Variants in PEX6 observed in about 807,000 individuals in gnomAD.
PEX6 encodes peroxisomal biogenesis factor 6, also known as peroxisome biogenesis factor 6.
A neutral mutation model predicts 85.6 loss-of-function variants in PEX6; 55 were observed. The observed-to-expected ratio is 0.64, with a 90% CI of 0.52 to 0.80. PEX6 has a LOEUF of 0.80. Ranked by LOEUF, PEX6 falls within the 30% of genes least tolerant of loss-of-function variation. The pLI, the probability that PEX6 is intolerant of heterozygous loss-of-function variation, is 0.00. For missense variants in PEX6, 1,099 were observed against 1,260.3 expected (o/e 0.87, Z 1.94); for synonymous variants, 519 against 549.1 (o/e 0.95, Z 0.77).
Position 42,978,887 on chromosome 6 carries a change from G to A in PEX6, c.264C>T (p.Ser88=). 6.7e-7 allele frequency: 1 copy of A among 1,491,430 alleles called. No homozygotes were observed. The highest frequency in any genetic ancestry group is 8.9e-7 in the Non-Finnish European group (1 of 1,129,246). The allele number at this position is 1,491,430 out of a possible 1,614,324, so 92.4% of individuals were successfully genotyped here. A position where few individuals can be genotyped will look rare whatever the true frequency, so the allele number is the denominator to read the frequency against. ...RALLRLLALG[S]GAWVRARAVR... ...CCGCCCGCGCCCGCACCCAGGCCCC[G>A]GAGCCCAGTGCCAGGAGCCGCAGCA... is the stretch of plus-strand genomic sequence containing the variant. Residue 88 remains serine (S), a synonymous_variant, in exon 1 of 17, where the codon TCC becomes TCT. Transcript: ENST00000304611.
At position 42,979,130 on chromosome 6, in the gene PEX6, C is replaced by T; in HGVS notation, c.21G>A (p.Arg7=). 1.3e-6 allele frequency: 2 copies of T among 1,577,024 alleles called. No individual in the cohort carries two copies. The highest frequency in any genetic ancestry group is 8.5e-7 in the Non-Finnish European group (1 of 1,170,294). The change falls in exon 1 of 17, where the codon CGG becomes CGA. Residue 7 remains arginine, a synonymous_variant. Coordinates refer to ENST00000304611, the MANE Select transcript of PEX6 (RefSeq NM_000287.4). MALAVL[R]VLEPFPTETP... The stretch of plus-strand genomic sequence containing the variant: ...TCTCGGTCGGAAAGGGCTCCAGGAC[C>T]CGCAAGACAGCCAGCGCCATGGTGA...
At chr6:42,969,055 TC>T in intron 5 of PEX6, 70 bp from the exon 6 acceptor site, 1 of 1,026,356 alleles carries the variant, frequency 9.7e-7, no homozygotes, top group Middle Eastern at 2.0e-4. Context: ...TAACACAAGA[TC>T]CCTTAGATCT....
At chr6:42,972,359 C>T (rs1253905593) in intron 3 of PEX6, among the ~76,000 whole-genome samples, 1 of 152,210 alleles carries the variant, frequency 6.6e-6, no homozygotes, top group Non-Finnish European at 1.5e-5. Flanking sequence ...TACATGGAAC[C>T]TCTGTGGTCA....
At position 42,973,874 on chromosome 6, in the gene PEX6, G is replaced by A. The variant is rs895143685; in HGVS notation, c.1130+129C>T. The A allele has an allele frequency of 6.8e-5, 48 of 707,174 alleles. No individual in the cohort carries two copies. In the East Asian group the frequency reaches 7.5e-4, roughly 11 times the overall value. The allele number at this position is 707,174 out of a possible 1,614,324, so 43.8% of individuals were successfully genotyped here. On this transcript the variant is annotated intron_variant, in intron 3 of 16. Transcript: ENST00000304611. The stretch of plus-strand genomic sequence containing the variant: ...GCAAGAACCTGTTACACACACACAC[G>A]CACACACAAAATACATGACAACGAA...
rs748334097 is a variant in PEX6, at chr6:42,964,316, C to G, written c.*19G>C. 3.7e-6 allele frequency: 6 copies of G among 1,613,154 alleles called. No homozygotes were observed. The Admixed American group carries it at 6.7e-5, about 18-fold the overall frequency. On this transcript the variant is annotated 3_prime_UTR_variant, in exon 17 of 17. Transcript: ENST00000304611. The surrounding 1 kb of genome is among the most constrained non-coding windows in gnomAD (Gnocchi z 4.6). The stretch of plus-strand genomic sequence containing the variant: ...TACCTGCAGCCATGCTGAGCGGGGT[C>G]CCAGACCCTGGGGGGCTCCTAGCAG...
At chr6:42,972,599 T>G (rs1223531814) in intron 3 of PEX6, among the ~76,000 whole-genome samples, 1 of 151,930 alleles carries the variant, frequency 6.6e-6, no homozygotes, top group Non-Finnish European at 1.5e-5. Flanking sequence ...TGAAACCCAA[T>G]CTCTACTAAA....
Position 42,971,717 on chromosome 6 carries a change from G to A in PEX6, c.1131-1730C>T, listed in dbSNP as rs62417461. Among the ~76,000 whole-genome samples the A allele has an allele frequency of 6.6e-6, 1 of 152,234 alleles. No homozygotes were observed. The highest frequency in any genetic ancestry group is 1.5e-5 in the Non-Finnish European group (1 of 68,044). On this transcript the variant is annotated intron_variant, in intron 3 of 16. Coordinates refer to ENST00000304611, the MANE Select transcript of PEX6 (RefSeq NM_000287.4). The surrounding 1 kb of genome is among the most constrained non-coding windows in gnomAD (Gnocchi z 4.4). ...TTACTCCAACCCTGCTTTCCTTGCG[G>A]GGAAAAGAACTATGTGCTCGGCACT...
In PEX6 at chr6:42,968,955, G is replaced by A; in HGVS notation, c.1398C>T (p.Val466=). 6.2e-7 allele frequency: 1 copy of A among 1,613,888 alleles called. No homozygotes were observed. Among genetic ancestry groups the A allele is most frequent in the Non-Finnish European group, 8.5e-7 (1 of 1,179,878 alleles). ...GGALLTGTSS[V]LLRGPPGCGK... ...CACAGCCTGGGGGGCCCCGTAGAAG[G>A]ACACTGCTAGTTCCTGTCAGCAGGG... Residue 466 remains valine, a synonymous_variant, in exon 6 of 17, where the codon GTC becomes GTT. Transcript: ENST00000304611.
In PEX6 at chr6:42,978,776, C is replaced by T. The variant is rs765259967; in HGVS notation, c.375G>A (p.Val125=). 6.5e-7 allele frequency: 1 copy of T among 1,534,626 alleles called. No individual in the cohort carries two copies. Among genetic ancestry groups the T allele is most frequent in the East Asian group, 2.4e-5 (1 of 40,948 alleles). ...GLGPRVGPLL[V]RRGETLPVPG... is the part of the protein sequence containing the mutation. The stretch of plus-strand genomic sequence containing the variant: ...GCACTGGGAGGGTCTCTCCGCGCCT[C>T]ACCAGCAGCGGCCCGACTCGCGGTC... The change falls in exon 1 of 17, where the codon GTG becomes GTA. Residue 125 remains valine, a synonymous_variant. Coordinates refer to ENST00000304611, the MANE Select transcript of PEX6 (RefSeq NM_000287.4).
In PEX6 at chr6:42,965,190, C is replaced by T; in HGVS notation, c.2589-38G>A. 6.2e-7 allele frequency: 1 copy of T among 1,611,172 alleles called. No homozygotes were observed. The highest frequency in any genetic ancestry group is 1.1e-5 in the South Asian group (1 of 91,028). On this transcript the variant is annotated intron_variant, in intron 14 of 16. Transcript: ENST00000304611. The surrounding 1 kb of genome is among the most constrained non-coding windows in gnomAD (Gnocchi z 5.0). ...AGGCAGGTATAAGTTTCAGGGAGCC[C>T]AGCCATGAGGGGTGAAGGAGGCACA...
chr6:42,968,447 G>A lies in PEX6; in HGVS notation c.1531C>T (p.Leu511=), dbSNP rs147567606. 37 of 1,606,142 alleles carry A rather than the reference G, an allele frequency of 2.3e-5. No homozygotes were observed. Among genetic ancestry groups the A allele is most frequent in the Non-Finnish European group, 3.1e-5 (36 of 1,176,396 alleles). ...CGGGCCCGGGAGAAGATGGCCTGCA[G>A]TTTTGTCTCCACAGCCCCACTACTT... The part of the protein sequence containing the change: ...AESSGAVETK[L]QAIFSRARRC... Residue 511 remains leucine, a synonymous_variant, in exon 7 of 17, where the codon CTG becomes TTG. Coordinates refer to ENST00000304611, the MANE Select transcript of PEX6 (RefSeq NM_000287.4).
rs777172779 is a variant in PEX6 at position 42,978,253 on chromosome 6, CA to C, written c.882+15del. 57 of 1,613,022 alleles carry C rather than the reference CA, an allele frequency of 3.5e-5. No individual in the cohort carries two copies. Among genetic ancestry groups the C allele is most frequent in the Non-Finnish European group, 4.4e-5 (52 of 1,179,858 alleles). ...AAGAAAGAGGAAGCACTCCTGACCC[CA>C]GTCCTTTATCCTACCTGAATTCTGA... On this transcript the variant is annotated intron_variant, in intron 1 of 16. Coordinates refer to ENST00000304611, the MANE Select transcript of PEX6 (RefSeq NM_000287.4).
Position 42,964,807 on chromosome 6 carries a change from AC to A in PEX6, c.2788del (p.Val930PhefsTer15), listed in dbSNP as rs61753232. ...TGGCTCACCTTCCTCCAGGTCATGA[AC>A]CCTGCGTTTGAGGGCAGCTGTCATA... Reference protein sequence around the residue: ...DAMTAALKRRVHDLEEGLEPG... With the variant: ...DAMTAALKRRXHDLEEGLEPG... On this transcript the variant is annotated frameshift_variant, in exon 16 of 17. Transcript: ENST00000304611. LOFTEE classifies it high-confidence loss of function. This position sits in a 1 kb window ranked among gnomAD's most constrained non-coding sequence, Gnocchi z 4.6. The A allele has an allele frequency of 4.3e-6, 7 of 1,613,906 alleles. No individual in the cohort carries two copies. Among genetic ancestry groups the A allele is most frequent in the Non-Finnish European group, 4.2e-6 (5 of 1,179,998 alleles).
Position 42,978,778 on chromosome 6 carries a change from C to A in PEX6, c.373G>T (p.Val125Leu), listed in dbSNP as rs1383547974. 6.5e-7 allele frequency: 1 copy of A among 1,534,610 alleles called. No homozygotes were observed. Among genetic ancestry groups the A allele is most frequent in the Non-Finnish European group, 8.7e-7 (1 of 1,146,748 alleles). The change falls in exon 1 of 17, where the codon GTG becomes TTG. Residue 125 changes from valine (V) to leucine (L), a missense_variant. Val to Leu is a conservative substitution (Grantham distance 32). Around this residue, in one of 3 missense-constraint regions of PEX6, gnomAD observed 579 missense variants for 611.6 expected, o/e 0.95. Coordinates refer to ENST00000304611, the MANE Select transcript of PEX6 (RefSeq NM_000287.4). ...ACTGGGAGGGTCTCTCCGCGCCTCA[C>A]CAGCAGCGGCCCGACTCGCGGTCCG... ...GLGPRVGPLL[V>L]RRGETLPVPG...
rs1048324413 is a variant in PEX6 at position 42,966,377 on chromosome 6, T to G, written c.2165A>C (p.Gln722Pro). 1 of 1,613,948 alleles carries G rather than the reference T, an allele frequency of 6.2e-7. No individual in the cohort carries two copies. Among genetic ancestry groups the G allele is most frequent in the African/African-American group, 1.3e-5 (1 of 74,918 alleles). ...TAGCTCAGGGTGCTCCAGGGGGAGC[T>G]GAATGGTCTCCAGGATCTCCTTCTT... ...EVKKEILETI[Q>P]LPLEHPELLS... Residue 722 changes from glutamine (Q) to proline (P), a missense_variant, in exon 11 of 17, where the codon CAG becomes CCG. Coordinates refer to ENST00000304611, the MANE Select transcript of PEX6 (RefSeq NM_000287.4).
In PEX6 at chr6:42,978,354, A is replaced by G; in HGVS notation, c.797T>C (p.Leu266Pro). 6.2e-7 allele frequency: 1 copy of G among 1,614,212 alleles called. No individual in the cohort carries two copies. Among genetic ancestry groups the G allele is most frequent in the Non-Finnish European group, 8.5e-7 (1 of 1,180,048 alleles). ...GPGSGPLGEP[L>P]ADGLALVPAT... The stretch of plus-strand genomic sequence containing the variant: ...AGGGACAAGCGCCAGTCCGTCAGCG[A>G]GGGGCTCTCCCAGCGGTCCAGAGCC... Residue 266 changes from leucine to proline, a missense_variant, in exon 1 of 17, where the codon CTC (leucine) becomes CCC (proline). This residue lies in a region of PEX6 where 579 missense variants were observed against 611.6 expected (regional missense o/e 0.95). Transcript: ENST00000304611.
At chr6:42,977,502 G>A (rs1770347306) in intron 1 of PEX6, among the ~76,000 whole-genome samples, 1 of 151,976 alleles carries the variant, frequency 6.6e-6, no homozygotes, top group Admixed American at 6.6e-5. Context: ...ACAGAATATG[G>A]ATCAATAGGC....
rs1258009126 is a variant in PEX6, at chr6:42,969,716, G to T, written c.1319C>A (p.Ala440Asp). 6.2e-7 allele frequency: 1 copy of T among 1,612,700 alleles called. No homozygotes were observed. The highest frequency in any genetic ancestry group is 1.1e-5 in the South Asian group (1 of 91,034). The change falls in exon 5 of 17, where the codon GCC (alanine) becomes GAC (aspartate). Residue 440 changes from alanine (A) to aspartate (D), a missense_variant. Physicochemically the swap from Ala to Asp is moderately radical, Grantham distance 126. This residue lies in a region of PEX6 where 579 missense variants were observed against 611.6 expected (regional missense o/e 0.95). Coordinates refer to ENST00000304611, the MANE Select transcript of PEX6 (RefSeq NM_000287.4). The stretch of plus-strand genomic sequence containing the variant: ...GACAGCACAGAGTTCAGACACCAAG[G>T]CCTCCAGGCCTGGAGGAGACAAACT... ...WSSLSPPGLE[A>D]LVSELCAVLK...
rs774117516 is a variant in PEX6, at chr6:42,978,344, T to C, written c.807A>G (p.Gly269=). The C allele has an allele frequency of 6.2e-6, 10 of 1,614,034 alleles. No homozygotes were observed. In the African/African-American group the frequency reaches 6.7e-5, roughly 11 times the overall value. Residue 269 remains glycine (G), a synonymous_variant, in exon 1 of 17, where the codon GGA becomes GGG. Coordinates refer to ENST00000304611, the MANE Select transcript of PEX6 (RefSeq NM_000287.4). The part of the protein sequence containing the change: ...SGPLGEPLAD[G]LALVPATLAF... ...CCAAAGTGGCAGGGACAAGCGCCAGTCCGTCAGCGAGGGGCTCTCCCAGCG... is the reference window on the plus strand; with the variant it reads ...CCAAAGTGGCAGGGACAAGCGCCAGCCCGTCAGCGAGGGGCTCTCCCAGCG...
Sources: allele counts gnomAD v4.1 joint callset (sites outside exome capture counted in the v4.1 genomes callset), GRCh38; gene constraint gnomAD v4.1.1; regional missense constraint gnomAD v4.1.1; non-coding constraint Gnocchi (gnomAD v3.1); transcripts MANE v1.5; gene names NCBI Gene and HGNC (gene_info 2026-07-23, HGNC 2026-07-21).